Variants in TCERG1 observed in about 807,000 individuals in gnomAD.
TCERG1 encodes TATA box binding protein (TBP)-associated factor, RNA polymerase II, S, 150kD.
TCERG1 carries 37 observed loss-of-function variants against 144.7 expected under a neutral mutation model. That is an observed-to-expected ratio of 0.26 (90% CI 0.20 to 0.34). The LOEUF is 0.34. Ranked by LOEUF, TCERG1 falls within the 10% of genes least tolerant of loss-of-function variation. TCERG1 has a pLI of 1.00. For synonymous variants in TCERG1, 492 were observed against 458.2 expected, an observed-to-expected ratio of 1.07 and a Z score of -0.94; for missense variants, 1,027 against 1,380.7, an observed-to-expected ratio of 0.74 and a Z score of 4.06.
At chr5:146,476,552 TA>T (rs57186160) in intron 9 of TCERG1, among the ~76,000 whole-genome samples, 376 of 152,104 alleles carry the variant, frequency 2.5e-3, no homozygotes, top group African/African-American at 8.2e-3. Flanking sequence ...CAGGCTCATT[TA>T]AAAAAAATAA....
chr5:146,470,686 C>T lies in TCERG1; in HGVS notation c.1450C>T (p.Pro484Ser), dbSNP rs1188360076. The change falls in exon 8 of 23, where the codon CCT (proline) becomes TCT (serine). Residue 484 changes from proline (P) to serine (S), a missense_variant. Around this residue, in one of 6 missense-constraint regions of TCERG1, gnomAD observed 482 missense variants for 632.6 expected, o/e 0.76. Coordinates refer to ENST00000679501, the MANE Select transcript of TCERG1 (RefSeq NM_001382548.1). Reference sequence around the variant, plus strand: ...GCCAATTAAAGAACCCTCTGAAGAGCCTCTGCCAATGGAGACGGAGGAGGA... The same window carrying T: ...GCCAATTAAAGAACCCTCTGAAGAGTCTCTGCCAATGGAGACGGAGGAGGA... Reference protein sequence around the residue: ...KEPIKEPSEEPLPMETEEEDP... With the variant: ...KEPIKEPSEESLPMETEEEDP... 5.6e-6 allele frequency: 9 copies of T among 1,613,500 alleles called. No homozygotes were observed. The highest frequency in any genetic ancestry group is 7.6e-6 in the Non-Finnish European group (9 of 1,179,878).
chr5:146,449,867 C>T (rs1409559835), intron 1 of TCERG1, among the ~76,000 whole-genome samples: 2 of 152,172 alleles, frequency 1.3e-5, no homozygotes, highest in Non-Finnish European at 2.9e-5. Context: ...ACTTAAGATA[C>T]TTGCAATCTA....
At chr5:146,457,403 G>T in intron 3 of TCERG1, 68 bp downstream of exon 3, 1 of 1,434,102 alleles carries the variant, frequency 7.0e-7, no homozygotes, top group Non-Finnish European at 9.4e-7. Context: ...AGTTCTGGCA[G>T]ATTGAGGTCA....
intron 13 of TCERG1, chr5:146,482,207 A>C (rs887107674): frequency 6.5e-6 from 1 of 153,184 alleles, no homozygotes; most frequent in South Asian, 2.1e-4. Context: ...TGTTTTTTCT[A>C]TATTTCAAGA....
intron 9 of TCERG1, among the ~76,000 whole-genome samples, chr5:146,472,132 T>C (rs1764376376): frequency 6.6e-6 from 1 of 152,198 alleles, no homozygotes; most frequent in Non-Finnish European, 1.5e-5. Context: ...AGATCCTGAA[T>C]CTACTTTTTG....
chr5:146,507,306 G>T lies in TCERG1; in HGVS notation c.2961+99G>T. 8.8e-7 allele frequency: 1 copy of T among 1,136,842 alleles called. No homozygotes were observed. 70.4% of individuals were successfully genotyped at this position (1,136,842 alleles called of 1,614,324 possible). On this transcript the variant is annotated intron_variant, in intron 20 of 22. Transcript: ENST00000679501. The surrounding 1 kb of genome is among the most constrained non-coding windows in gnomAD (Gnocchi z 4.6). ...ATGATTTTTAGTGTCATGGTCTTTA[G>T]ATTCATTACTGGAATGCATCTTATG...
At chr5:146,484,596 G>A (rs535827554) in intron 15 of TCERG1, among the ~76,000 whole-genome samples, 1 of 152,268 alleles carries the variant, frequency 6.6e-6, no homozygotes, top group East Asian at 1.9e-4. Flanking sequence ...TTAGTACTTG[G>A]AATAGAAAGA....
At chr5:146,463,869 G>C (rs935035800) in intron 5 of TCERG1, 76 bp downstream of exon 5, 2 of 1,579,290 alleles carry the variant, frequency 1.3e-6, no homozygotes, top group Admixed American at 1.7e-5. Context: ...TGTGTCTGTT[G>C]CGTTTGAAAT....
chr5:146,491,464 A>G (rs192477760), intron 15 of TCERG1, among the ~76,000 whole-genome samples: 1 of 152,196 alleles, frequency 6.6e-6, no homozygotes, highest in Admixed American at 6.5e-5. Context: ...TGCTCAAAAC[A>G]TCACTGTGCC....
At position 146,507,146 on chromosome 5, in the gene TCERG1, T is replaced by C. The variant is rs1325002572; in HGVS notation, c.2900T>C (p.Ile967Thr). The change falls in exon 20 of 23, where the codon ATT becomes ACT. Residue 967 changes from isoleucine (I) to threonine (T), a missense_variant. Physicochemically the swap from Ile to Thr is moderately conservative, Grantham distance 89 (BLOSUM62 -1). Coordinates refer to ENST00000679501, the MANE Select transcript of TCERG1 (RefSeq NM_001382548.1). The surrounding 1 kb of genome is among the most constrained non-coding windows in gnomAD (Gnocchi z 4.6). The part of the protein sequence containing the change: ...EEKEKLFNEH[I>T]EALTKKKREH... ...AAAGAGAAGCTTTTTAATGAACACA[T>C]TGAAGCACTTACCAAAAAAAAGAGA... The C allele has an allele frequency of 1.2e-6, 2 of 1,612,454 alleles. No individual in the cohort carries two copies. Among genetic ancestry groups the C allele is most frequent in the African/African-American group, 1.3e-5 (1 of 74,914 alleles).
chr5:146,463,442 A>T, intron 4 of TCERG1, 109 bp from the exon 5 acceptor site: 1 of 1,503,776 alleles, frequency 6.6e-7, no homozygotes, highest in Non-Finnish European at 9.0e-7. Flanking sequence ...CTTGCAGTGC[A>T]TAGAATGGTC....
intron 16 of TCERG1, among the ~76,000 whole-genome samples, chr5:146,496,802 A>G (rs1363497061): frequency 6.6e-6 from 1 of 151,140 alleles, no homozygotes; most frequent in Non-Finnish European, 1.5e-5. Context: ...GTAGCTGAGA[A>G]TATATGCGTG....
In TCERG1 at chr5:146,492,996, A is replaced by C; in HGVS notation, c.2240A>C (p.Glu747Ala). The C allele has an allele frequency of 6.2e-7, 1 of 1,606,916 alleles. No homozygotes were observed. The highest frequency in any genetic ancestry group is 8.5e-7 in the Non-Finnish European group (1 of 1,177,460). ...AAAAATAAAATAATGCAAGCCAAGG[A>C]AGATTTCAAAAAAATGATGGAAGAA... ...EKKNKIMQAK[E>A]DFKKMMEEAK... is the part of the protein sequence containing the mutation. Residue 747 changes from glutamate to alanine, a missense_variant, in exon 16 of 23, where the codon GAA becomes GCA. By Grantham distance (107) the Glu-to-Ala change is moderately radical. This residue lies in a region of TCERG1 where 482 missense variants were observed against 632.6 expected (regional missense o/e 0.76). Coordinates refer to ENST00000679501, the MANE Select transcript of TCERG1 (RefSeq NM_001382548.1).
At position 146,459,333 on chromosome 5, in the gene TCERG1, A is replaced by G. The variant is rs1211422361; in HGVS notation, c.888A>G (p.Val296=). Reference sequence around the variant, plus strand: ...CTGCTACTTCAGTTGCGCAGACAGTATCAAGTGAGTACCACTCAGCATGTG... The same window carrying G: ...CTGCTACTTCAGTTGCGCAGACAGTGTCAAGTGAGTACCACTCAGCATGTG... The part of the protein sequence containing the change: ...TTTATSVAQT[V]STPTTQDQTP... The change falls in exon 4 of 23, where the codon GTA becomes GTG. Residue 296 remains valine, a synonymous_variant. Coordinates refer to ENST00000679501, the MANE Select transcript of TCERG1 (RefSeq NM_001382548.1). The G allele has an allele frequency of 6.2e-7, 1 of 1,613,854 alleles. No homozygotes were observed. The highest frequency in any genetic ancestry group is 1.1e-5 in the South Asian group (1 of 91,028).
intron 16 of TCERG1, among the ~76,000 whole-genome samples, chr5:146,494,016 T>G (rs545227807): frequency 6.6e-6 from 1 of 152,112 alleles, no homozygotes; most frequent in Non-Finnish European, 1.5e-5. Flanking sequence ...ATTTGAAATA[T>G]GGTATTAAAA....
chr5:146,484,934 A>G (rs1339328552), intron 15 of TCERG1, among the ~76,000 whole-genome samples: 2 of 152,146 alleles, frequency 1.3e-5, no homozygotes, highest in African/African-American at 2.4e-5. Flanking sequence ...CTCTTTAGTC[A>G]AGTTCTTTTT....
Position 146,458,953 on chromosome 5 carries a change from C to T in TCERG1, c.508C>T (p.Gln170Ter). Residue 170 changes from glutamine to a stop codon, truncating the protein, a stop_gained, in exon 4 of 23, where the codon CAA (glutamine) becomes TAA (stop). Transcript: ENST00000679501. LOFTEE classifies it high-confidence loss of function. ...TKPDGVKVIQQSELTPMLAAQ... is the reference protein window; with the variant it reads ...TKPDGVKVIQ ...GCCAGATGGAGTTAAGGTTATTCAG[C>T]AATCAGAACTGACACCTATGCTTGC... 1 of 1,614,236 alleles carries T rather than the reference C, an allele frequency of 6.2e-7. No individual in the cohort carries two copies. The highest frequency in any genetic ancestry group is 8.5e-7 in the Non-Finnish European group (1 of 1,180,042).
rs566426245 is a variant in TCERG1 at position 146,459,403 on chromosome 5, T to C, written c.892+66T>C. 27 of 1,551,884 alleles carry C rather than the reference T, an allele frequency of 1.7e-5. No individual in the cohort carries two copies. The African/African-American group carries it at 2.3e-4, about 13-fold the overall frequency. ...GACATGAACAAGTAGGGGACTACAT[T>C]TCATATTGATCCCAGTGTTTCTGGT... On this transcript the variant is annotated intron_variant, in intron 4 of 22. Coordinates refer to ENST00000679501, the MANE Select transcript of TCERG1 (RefSeq NM_001382548.1).
At chr5:146,492,757 T>C (rs1331436799) in intron 15 of TCERG1, 163 bp from the exon 16 acceptor site, 1 of 489,692 alleles carries the variant, frequency 2.0e-6, no homozygotes, top group East Asian at 3.8e-5. Flanking sequence ...AATATCTCAG[T>C]GAAGCTTTAA....
Sources: allele counts gnomAD v4.1 joint callset (sites outside exome capture counted in the v4.1 genomes callset), GRCh38; gene constraint gnomAD v4.1.1; regional missense constraint gnomAD v4.1.1; non-coding constraint Gnocchi (gnomAD v3.1); transcripts MANE v1.5; gene names NCBI Gene and HGNC (gene_info 2026-07-23, HGNC 2026-07-21).